Variants in TGFBRAP1 observed in about 807,000 individuals in gnomAD.
TGFBRAP1 encodes the protein transforming growth factor-beta receptor-associated protein 1.
In TGFBRAP1, 20 loss-of-function variants were observed where a neutral mutation model predicts 83.2. The ratio of observed to expected loss-of-function variants is 0.24; its 90% CI spans 0.17 to 0.35. The LOEUF (loss-of-function observed/expected upper bound fraction) is 0.35. Ranked by LOEUF, TGFBRAP1 falls within the 10% of genes least tolerant of loss-of-function variation. TGFBRAP1 has a pLI of 1.00. For missense variants in TGFBRAP1, 950 were observed against 1,099.4 expected (o/e 0.86, Z 1.92); for synonymous variants, 415 against 459.8 (o/e 0.90, Z 1.25).
At chr2:105,250,323 C>A in the TGFBRAP1 span, among the ~76,000 whole-genome samples, 5,639 of 152,276 alleles carry the variant, frequency 0.037, 366 homozygotes, top group African/African-American at 0.13. Context: ...TTAATGAGAA[C>A]AAATTACTTG....
intron 4 of TGFBRAP1, among the ~76,000 whole-genome samples, chr2:105,292,002 G>A (rs771590727): frequency 2.6e-5 from 4 of 152,166 alleles, no homozygotes; most frequent in Non-Finnish European, 5.9e-5. Context: ...ATGAGTGGAG[G>A]ATTTTGTCTC....
intron 1 of TGFBRAP1, among the ~76,000 whole-genome samples, chr2:105,313,480 C>A (rs2104403636): frequency 6.6e-6 from 1 of 152,342 alleles, no homozygotes; most frequent in Admixed American, 6.5e-5. Context: ...TTCCACTAAA[C>A]ACTTAGGAAC....
intron 3 of TGFBRAP1, among the ~76,000 whole-genome samples, chr2:105,298,093 G>GC (rs746719979): frequency 1.4e-4 from 22 of 152,260 alleles, no homozygotes; most frequent in Middle Eastern, 6.8e-3. Context: ...ACAGTGAGCT[G>GC]CTTGAGTGGC....
chr2:105,278,668 A>G (rs2104331166), intron 6 of TGFBRAP1, among the ~76,000 whole-genome samples: 1 of 152,296 alleles, frequency 6.6e-6, no homozygotes, highest in African/African-American at 2.4e-5. Context: ...CAAGGGTGCC[A>G]CACTCCTGGT....
chr2:105,288,071 T>G (rs150598582), intron 4 of TGFBRAP1, among the ~76,000 whole-genome samples: 2 of 152,286 alleles, frequency 1.3e-5, no homozygotes, highest in Admixed American at 6.5e-5. Context: ...TTACTGCAAC[T>G]CAGAAAGATA....
At chr2:105,290,791 G>C (rs1278110799) in intron 4 of TGFBRAP1, among the ~76,000 whole-genome samples, 1 of 152,104 alleles carries the variant, frequency 6.6e-6, no homozygotes, top group Non-Finnish European at 1.5e-5. Flanking sequence ...GATCACCTGA[G>C]GTCAGGAGTT....
Position 105,267,350 on chromosome 2 carries a change from C to G in TGFBRAP1, c.*33G>C. 1.9e-6 allele frequency: 3 copies of G among 1,609,756 alleles called. No homozygotes were observed. The highest frequency in any genetic ancestry group is 2.5e-6 in the Non-Finnish European group (3 of 1,177,206). ...ATGTCCAGCAGGCTCAGAAAGAACTCGGAGTTCCCCTCGCACCCTTGGGCC... is the reference window on the plus strand; with the variant it reads ...ATGTCCAGCAGGCTCAGAAAGAACTGGGAGTTCCCCTCGCACCCTTGGGCC... On this transcript the variant is annotated 3_prime_UTR_variant, in exon 12 of 12. Coordinates refer to ENST00000393359, the MANE Select transcript of TGFBRAP1 (RefSeq NM_004257.6).
At chr2:105,268,615 G>A (rs747249786) in intron 11 of TGFBRAP1, among the ~76,000 whole-genome samples, 6 of 152,192 alleles carry the variant, frequency 3.9e-5, no homozygotes, top group Non-Finnish European at 8.8e-5. Flanking sequence ...AGGTGGGGAG[G>A]GATATGCTGA....
chr2:105,314,312 G>GCA (rs1186884196), intron 1 of TGFBRAP1, among the ~76,000 whole-genome samples: 4 of 136,196 alleles, frequency 2.9e-5, no homozygotes, highest in Non-Finnish European at 6.1e-5. Flanking sequence ...GTGCAGTGTT[G>GCA]TGATCTCGGC....
At chr2:105,263,269 G>A (rs1354766500), downstream of TGFBRAP1, among the ~76,000 whole-genome samples, 1 of 152,204 alleles carries the variant, frequency 6.6e-6, no homozygotes. Flanking sequence ...AGGTAAAAAT[G>A]AGAAAAGAAT....
At chr2:105,283,741 G>T (rs923506304) in intron 5 of TGFBRAP1, among the ~76,000 whole-genome samples, 1 of 152,204 alleles carries the variant, frequency 6.6e-6, no homozygotes, top group Admixed American at 6.5e-5. Flanking sequence ...GGGGAAAGGG[G>T]AGAACACAAT....
chr2:105,284,432 A>C, intron 4 of TGFBRAP1, 34 bp from the exon 5 acceptor site: 1 of 1,598,302 alleles, frequency 6.3e-7, no homozygotes, highest in Non-Finnish European at 8.6e-7. Context: ...CTCTTAGTGA[A>C]TCTTGAAACC....
rs1021441769 is a variant in TGFBRAP1, at chr2:105,280,819, G to A, written c.1122-96C>T. On this transcript the variant is annotated intron_variant, in intron 5 of 11. Transcript: ENST00000393359. ...TGGAGGGGAGCGCACGGTGGCACACGTTCACAGGGGGCTGGGGAGCTGGGG... is the reference window on the plus strand; with the variant it reads ...TGGAGGGGAGCGCACGGTGGCACACATTCACAGGGGGCTGGGGAGCTGGGG... 1.1e-4 allele frequency: 138 copies of A among 1,313,516 alleles called. No individual in the cohort carries two copies. The Admixed American group carries it at 1.8e-3, about 17-fold the overall frequency. 81.4% of individuals were successfully genotyped at this position (1,313,516 alleles called of 1,614,324 possible). A position where few individuals can be genotyped will look rare whatever the true frequency, so the allele number is the denominator to read the frequency against.
At position 105,272,931 on chromosome 2, in the gene TGFBRAP1, T is replaced by G; in HGVS notation, c.1896A>C (p.Ala632=). Residue 632 remains alanine (A), a synonymous_variant, in exon 10 of 12, where the codon GCA becomes GCC. Transcript: ENST00000393359. The part of the protein sequence containing the change: ...LQRASASGKG[A]EATETQAKLR... Reference sequence around the variant, plus strand: ...GCTTGGCCTGCGTCTCGGTGGCCTCTGCACCCTTGCCACTGGCGGAGGCCC... The same window carrying G: ...GCTTGGCCTGCGTCTCGGTGGCCTCGGCACCCTTGCCACTGGCGGAGGCCC... 1.2e-6 allele frequency: 2 copies of G among 1,610,638 alleles called. No individual in the cohort carries two copies. The highest frequency in any genetic ancestry group is 8.5e-7 in the Non-Finnish European group (1 of 1,179,642).
the TGFBRAP1 span, among the ~76,000 whole-genome samples, chr2:105,253,346 TG>T: frequency 6.6e-6 from 1 of 152,140 alleles, no homozygotes; most frequent in African/African-American, 2.4e-5. Context: ...TTGGCCAGGT[TG>T]GGCTTAAACT....
At chr2:105,280,352 C>A (rs1313636956) in intron 6 of TGFBRAP1, 30 bp downstream of exon 6, 2 of 1,594,656 alleles carry the variant, frequency 1.3e-6, no homozygotes, top group Non-Finnish European at 8.6e-7. Flanking sequence ...GGGCGGGAAG[C>A]CCTGATCATA....
chr2:105,316,353 A>AG (rs1261151978), intron 1 of TGFBRAP1, among the ~76,000 whole-genome samples: 6 of 151,758 alleles, frequency 4.0e-5, no homozygotes, highest in African/African-American at 1.5e-4. Context: ...AAAAAAAAAA[A>AG]ATTCCCCTAC....
In TGFBRAP1 at chr2:105,307,985, T is replaced by A. The variant is rs1323939364; in HGVS notation, c.317A>T (p.Asn106Ile). The change falls in exon 2 of 12, where the codon AAC (asparagine) becomes ATC (isoleucine). Residue 106 changes from asparagine to isoleucine, a missense_variant. Coordinates refer to ENST00000393359, the MANE Select transcript of TGFBRAP1 (RefSeq NM_004257.6). ...DNSISLVNML[N>I]LEPVPSGARI... ...GGCCCCCGAAGGCACTGGCTCGAGG[T>A]TCAGCATGTTGACCAGGCTGATGGA... The A allele has an allele frequency of 6.2e-7, 1 of 1,614,156 alleles. No homozygotes were observed.
At chr2:105,288,017 C>T (rs1474237850) in intron 4 of TGFBRAP1, among the ~76,000 whole-genome samples, 1 of 152,026 alleles carries the variant, frequency 6.6e-6, no homozygotes, top group Non-Finnish European at 1.5e-5. Context: ...GATACAAAAA[C>T]GCATCAAGTG....
Sources: allele counts gnomAD v4.1 joint callset (sites outside exome capture counted in the v4.1 genomes callset), GRCh38; gene constraint gnomAD v4.1.1; transcripts MANE v1.5; gene names NCBI Gene and HGNC (gene_info 2026-07-23, HGNC 2026-07-21).